Variants in WDR45B observed in about 807,000 individuals in gnomAD.
WDR45B encodes WD repeat domain phosphoinositide-interacting protein 3.
WDR45B carries 20 observed loss-of-function variants against 44.6 expected under a neutral mutation model. The observed-to-expected ratio is 0.45, with a 90% CI of 0.32 to 0.65. The LOEUF is 0.65. Ranked by LOEUF, WDR45B falls within the 30% of genes least tolerant of loss-of-function variation. The pLI is 0.05. For missense variants in WDR45B, 323 were observed against 430.2 expected, an observed-to-expected ratio of 0.75 and a Z score of 2.20; for synonymous variants, 169 against 164.9, an observed-to-expected ratio of 1.02 and a Z score of -0.19.
At position 82,624,829 on chromosome 17, in the gene WDR45B, A is replaced by G. The variant is rs973147388; in HGVS notation, c.427+560T>C. On this transcript the variant is annotated intron_variant, in intron 5 of 9. Transcript: ENST00000392325. ...GAGACAGGGTTTCACCGTGTTAGCC[A>G]GGATGGTCTTAATCTCCTGACCTTG... Among the ~76,000 whole-genome samples the G allele has an allele frequency of 9.3e-4, 139 of 149,936 alleles. 1 individual carries two copies. Among genetic ancestry groups the G allele is most frequent in the African/African-American group, 3.3e-3 (136 of 40,760 alleles).
At chr17:82,635,443 G>A (rs1057465746) in intron 2 of WDR45B, among the ~76,000 whole-genome samples, 3 of 54,208 alleles carry the variant, frequency 5.5e-5, no homozygotes, top group South Asian at 5.7e-4. Flanking sequence ...TTTTTTTTTT[G>A]AGATGGAGTT....
At position 82,623,844 on chromosome 17, in the gene WDR45B, A is replaced by G. The variant is rs112917696; in HGVS notation, c.427+1545T>C. Among the ~76,000 whole-genome samples the G allele has an allele frequency of 5.6e-3, 849 of 152,316 alleles. 13 individuals are homozygous for G. Among genetic ancestry groups the G allele is most frequent in the African/African-American group, 0.02 (815 of 41,568 alleles). Reference sequence around the variant, plus strand: ...AGATGTCGCCACCGCCAGTCCTCAGAGAAATGCAAACCAAAACCACAAGGA... The same window carrying G: ...AGATGTCGCCACCGCCAGTCCTCAGGGAAATGCAAACCAAAACCACAAGGA... On this transcript the variant is annotated intron_variant, in intron 5 of 9. Coordinates refer to ENST00000392325, the MANE Select transcript of WDR45B (RefSeq NM_019613.4).
intron 2 of WDR45B, among the ~76,000 whole-genome samples, chr17:82,641,354 TGAGA>T (rs781759714): frequency 6.6e-6 from 1 of 152,224 alleles, no homozygotes; most frequent in African/African-American, 2.4e-5. Flanking sequence ...TGTGGTGTTA[TGAGA>T]GAGACACATA....
chr17:82,636,869 T>C (rs891941001), intron 2 of WDR45B, among the ~76,000 whole-genome samples: 2 of 151,974 alleles, frequency 1.3e-5, no homozygotes, highest in Non-Finnish European at 2.9e-5. Flanking sequence ...GCTCCACCTC[T>C]GTACCTCACA....
At chr17:82,617,605 G>C (rs2045555028) in intron 7 of WDR45B, 2 of 604,268 alleles carry the variant, frequency 3.3e-6, no homozygotes, top group Non-Finnish European at 3.0e-6. Flanking sequence ...ACAATCCAGT[G>C]TATCACGGCA....
Position 82,617,341 on chromosome 17 carries a change from AC to A in WDR45B, c.760del (p.Val254CysfsTer84). ...LICVSSDHGT[V>X]HIFAAEDPKR... ...TGGATCTTCAGCTGCAAAAATATGC[AC>A]TGTGCCGTGGTCGCTGGATACGCAG... On this transcript the variant is annotated frameshift_variant, in exon 8 of 10. Transcript: ENST00000392325. LOFTEE classifies it high-confidence loss of function. 1 of 1,613,978 alleles carries A rather than the reference AC, an allele frequency of 6.2e-7. No individual in the cohort carries two copies. The highest frequency in any genetic ancestry group is 8.5e-7 in the Non-Finnish European group (1 of 1,180,006).
chr17:82,643,851 A>G lies in WDR45B; in HGVS notation c.142+98T>C, dbSNP rs1192159727. ...GGCCATGAACCCTATTTACTTCTCG[A>G]AAACAGCCATCCCTTCCCTGCTCCA... is the stretch of plus-strand genomic sequence containing the variant. On this transcript the variant is annotated intron_variant, in intron 2 of 9. Transcript: ENST00000392325. The G allele has an allele frequency of 6.5e-6, 8 of 1,229,548 alleles. No homozygotes were observed. In the South Asian group the frequency reaches 9.0e-5, roughly 14 times the overall value. The allele number at this position is 1,229,548 out of a possible 1,614,324, so 76.2% of individuals were successfully genotyped here. A position where few individuals can be genotyped will look rare whatever the true frequency, so the allele number is the denominator to read the frequency against.
In WDR45B at chr17:82,615,877, G is replaced by C. The variant is rs2045525781; in HGVS notation, c.*42C>G. The C allele has an allele frequency of 6.3e-7, 1 of 1,585,970 alleles. No homozygotes were observed. Among genetic ancestry groups the C allele is most frequent in the African/African-American group, 1.3e-5 (1 of 74,382 alleles). ...GCACTGGCACCAGCCCCGAGAGTCT[G>C]AAGGCGGCAGGTGGTGGGTGCTGTG... On this transcript the variant is annotated 3_prime_UTR_variant, in exon 10 of 10. Coordinates refer to ENST00000392325, the MANE Select transcript of WDR45B (RefSeq NM_019613.4).
intron 6 of WDR45B, among the ~76,000 whole-genome samples, chr17:82,619,352 G>C (rs1405427815): frequency 6.6e-6 from 1 of 152,104 alleles, no homozygotes; most frequent in Non-Finnish European, 1.5e-5. Flanking sequence ...CACAAGTCAA[G>C]AGAGGCTTCC....
At chr17:82,641,363 C>G (rs984782747) in intron 2 of WDR45B, among the ~76,000 whole-genome samples, 2 of 152,194 alleles carry the variant, frequency 1.3e-5, no homozygotes, top group African/African-American at 4.8e-5. Context: ...ATGAGAGAGA[C>G]ACATACAGGT....
chr17:82,643,017 G>T (rs770395893), intron 2 of WDR45B, among the ~76,000 whole-genome samples: 14 of 152,148 alleles, frequency 9.2e-5, no homozygotes, highest in Non-Finnish European at 1.9e-4. Context: ...CAGTGTATGT[G>T]GCATCATACA....
chr17:82,644,367 C>T (rs538102289), intron 1 of WDR45B: 194 of 371,778 alleles, frequency 5.2e-4, no homozygotes, highest in African/African-American at 3.3e-3. Context: ...CAGGCAATCC[C>T]GCCCACTGTG....
chr17:82,636,260 C>CAAAAAA (rs71168123), intron 2 of WDR45B, among the ~76,000 whole-genome samples: 4 of 104,576 alleles, frequency 3.8e-5, no homozygotes, highest in Non-Finnish European at 5.6e-5. Flanking sequence ...GACTCCGTCT[C>CAAAAAA]AAAAAAAAAA....
intron 5 of WDR45B, among the ~76,000 whole-genome samples, chr17:82,625,003 T>C (rs950553196): frequency 6.6e-6 from 1 of 152,186 alleles, no homozygotes; most frequent in Non-Finnish European, 1.5e-5. Context: ...TAAAAAGATA[T>C]GAAGATGGTA....
chr17:82,643,839 A>G, intron 2 of WDR45B, 110 bp downstream of exon 2: 1 of 1,056,188 alleles, frequency 9.5e-7, no homozygotes, highest in East Asian at 2.6e-5. Context: ...CATGAACCCT[A>G]TTTACTTCTC....
rs961233366 is a variant in WDR45B at position 82,639,084 on chromosome 17, G to C, written c.142+4865C>G. Among the ~76,000 whole-genome samples the C allele has an allele frequency of 2.0e-5, 3 of 152,102 alleles. No individual in the cohort carries two copies. In the East Asian group the frequency reaches 5.8e-4, roughly 29 times the overall value. On this transcript the variant is annotated intron_variant, in intron 2 of 9. Transcript: ENST00000392325. ...GATCCACCTGCCTCGGCCTCCTAAA[G>C]TGCTGGGATTACAGGCATGAGCCAC...
chr17:82,620,079 C>T (rs2045593178), intron 6 of WDR45B, among the ~76,000 whole-genome samples: 1 of 152,226 alleles, frequency 6.6e-6, no homozygotes, highest in African/African-American at 2.4e-5. Context: ...AGAGGAACCG[C>T]ATTTCTAATT....
chr17:82,643,201 G>A (rs558504630), intron 2 of WDR45B, among the ~76,000 whole-genome samples: 7 of 152,312 alleles, frequency 4.6e-5, no homozygotes, highest in East Asian at 1.9e-4. Flanking sequence ...TTGAGAGGCC[G>A]AGGTGCATGG....
intron 2 of WDR45B, among the ~76,000 whole-genome samples, chr17:82,632,845 T>A (rs2045785176): frequency 6.6e-6 from 1 of 151,980 alleles, no homozygotes; most frequent in African/African-American, 2.4e-5. Flanking sequence ...CTGGGCAACA[T>A]AAGGAAATCC....
Sources: allele counts gnomAD v4.1 joint callset (sites outside exome capture counted in the v4.1 genomes callset), GRCh38; gene constraint gnomAD v4.1.1; transcripts MANE v1.5; gene names NCBI Gene and HGNC (gene_info 2026-07-23, HGNC 2026-07-21).